EPM2A: variants seen among roughly 807,000 people sequenced by gnomAD.
The protein encoded by EPM2A is EPM2A glucan phosphatase, laforin.
In EPM2A, 21 loss-of-function variants were observed where a neutral mutation model predicts 26.5. The ratio of observed to expected loss-of-function variants is 0.79; its 90% CI spans 0.56 to 1.14. EPM2A has a LOEUF of 1.14. Ranked by LOEUF, EPM2A falls within the 50% of genes most tolerant of loss-of-function variation. EPM2A has a pLI of 0.00. For missense variants in EPM2A, 458 were observed against 440.8 expected, an observed-to-expected ratio of 1.04 and a Z score of -0.35; for synonymous variants, 217 against 177.6, an observed-to-expected ratio of 1.22 and a Z score of -1.76.
In EPM2A at chr6:145,625,849, C is replaced by A; in HGVS notation, c.*1567G>T. 6.5e-7 allele frequency: 1 copy of A among 1,540,712 alleles called. No individual in the cohort carries two copies. The highest frequency in any genetic ancestry group is 8.8e-7 in the Non-Finnish European group (1 of 1,142,022). The stretch of plus-strand genomic sequence containing the variant: ...ACGCCTTCTAAATAAGAGTCTCTTG[C>A]ATCTATCAATATGTGTTTGTGGAAG... On this transcript the variant is annotated 3_prime_UTR_variant, in exon 4 of 4. Transcript: ENST00000367519.
chr6:145,654,802 C>A (rs1778143970), intron 2 of EPM2A, among the ~76,000 whole-genome samples: 2 of 152,074 alleles, frequency 1.3e-5, no homozygotes, highest in African/African-American at 4.8e-5. Context: ...TAGTTTGAGT[C>A]CTGTATTTCA....
chr6:145,502,575 T>C (rs1779906779), exon 3 of EPM2A: 1 of 470,764 alleles, frequency 2.1e-6, no homozygotes. Flanking sequence ...CCTCTTCTCA[T>C]CTGGAAAAAG....
intron 2 of EPM2A, among the ~76,000 whole-genome samples, chr6:145,558,249 A>G (rs1427233166): frequency 1.3e-5 from 2 of 152,068 alleles, no homozygotes; most frequent in Non-Finnish European, 2.9e-5. Flanking sequence ...GTTTGGGGGC[A>G]TGATCGTGAG....
rs78074818 is a variant in EPM2A, at chr6:145,517,240, C to T, written c.341-14665G>A. Among the ~76,000 whole-genome samples the T allele has an allele frequency of 2.8e-4, 42 of 152,196 alleles. No individual in the cohort carries two copies. In the East Asian group the frequency reaches 7.9e-3, roughly 29 times the overall value. Reference sequence around the variant, plus strand: ...CAACATGTATGAAGTTTTATTTTTGCAAGATGATTAAGTTCTAGAGATCTG... The same window carrying T: ...CAACATGTATGAAGTTTTATTTTTGTAAGATGATTAAGTTCTAGAGATCTG... On this transcript the variant is annotated intron_variant, in intron 2 of 3. Coordinates refer to the EPM2A transcript ENST00000450221.
At chr6:145,539,608 A>C (rs999774326) in intron 2 of EPM2A, among the ~76,000 whole-genome samples, 16 of 152,210 alleles carry the variant, frequency 1.1e-4, no homozygotes, top group African/African-American at 3.9e-4. Flanking sequence ...TCAAGCCTAA[A>C]CTACCAAAAC....
chr6:145,627,443 C>T lies in EPM2A; in HGVS notation c.969G>A (p.Lys323=). Residue 323 remains lysine, a synonymous_variant, in exon 4 of 4, where the codon AAG becomes AAA. Transcript: ENST00000367519. ...ACAGGCTACACACAGAAGAACGAAC[C>T]TTCCCAAATTTCTGGAAAAAATCTT... is the stretch of plus-strand genomic sequence containing the variant. ...AQEDFFQKFG[K]VRSSVCSL 6.2e-7 allele frequency: 1 copy of T among 1,614,236 alleles called. No individual in the cohort carries two copies. Among genetic ancestry groups the T allele is most frequent in the Non-Finnish European group, 8.5e-7 (1 of 1,180,044 alleles).
intron 2 of EPM2A, among the ~76,000 whole-genome samples, chr6:145,614,882 G>C (rs78006376): frequency 1.6e-4 from 24 of 152,278 alleles, no homozygotes; most frequent in African/African-American, 5.8e-4. Context: ...AGTACATGCT[G>C]TTAGAAAAAT....
At chr6:145,399,682 A>AT (rs35181024) in intron 4 of EPM2A, among the ~76,000 whole-genome samples, 16,596 of 152,180 alleles carry the variant, frequency 0.11, 952 homozygotes, top group South Asian at 0.17. Context: ...GCTACATTAG[A>AT]TTTTCTCTTA....
intron 1 of EPM2A, among the ~76,000 whole-genome samples, chr6:145,688,112 A>C (rs1781050981): frequency 6.6e-6 from 1 of 152,206 alleles, no homozygotes; most frequent in African/African-American, 2.4e-5. Flanking sequence ...TTAAGAACTC[A>C]GATATTTATC....
chr6:145,582,299 G>C (rs898619080), intron 2 of EPM2A, among the ~76,000 whole-genome samples: 1 of 152,130 alleles, frequency 6.6e-6, no homozygotes, highest in African/African-American at 2.4e-5. Flanking sequence ...CATGGTACAA[G>C]AGTGTGGTTG....
chr6:145,445,973 TG>T (rs557218664), intron 4 of EPM2A, among the ~76,000 whole-genome samples: 258 of 152,284 alleles, frequency 1.7e-3, no homozygotes, highest in Non-Finnish European at 3.2e-3. Context: ...ATGACTATAA[TG>T]GGGCAAACCA....
chr6:145,589,040 C>T (rs572808426), intron 2 of EPM2A, among the ~76,000 whole-genome samples: 1 of 152,128 alleles, frequency 6.6e-6, no homozygotes, highest in Non-Finnish European at 1.5e-5. Flanking sequence ...AGGAAAAGGC[C>T]CTGCCCCAAC....
chr6:145,551,931 T>C (rs1392229695), intron 2 of EPM2A, among the ~76,000 whole-genome samples: 2 of 151,406 alleles, frequency 1.3e-5, no homozygotes, highest in Admixed American at 6.6e-5. Flanking sequence ...ATTTCTAGAT[T>C]CGATATAGAA....
intron 1 of EPM2A, among the ~76,000 whole-genome samples, chr6:145,694,071 T>C (rs1210621024): frequency 6.6e-6 from 1 of 152,062 alleles, no homozygotes; most frequent in East Asian, 1.9e-4. Flanking sequence ...TTATATTGGT[T>C]AAATATCTAT....
intron 2 of EPM2A, among the ~76,000 whole-genome samples, chr6:145,505,089 C>T (rs1456074304): frequency 9.0e-6 from 1 of 110,666 alleles, no homozygotes. Context: ...ACTCTGGGGA[C>T]TGTGGTGGGG....
intron 4 of EPM2A, among the ~76,000 whole-genome samples, chr6:145,398,502 G>T (rs373705096): frequency 1.3e-5 from 2 of 151,872 alleles, no homozygotes; most frequent in African/African-American, 4.8e-5. Context: ...AAGTGTTGCC[G>T]CTGGAGACAA....
chr6:145,390,342 C>T (rs765033142), intron 4 of EPM2A, among the ~76,000 whole-genome samples: 1 of 151,698 alleles, frequency 6.6e-6, no homozygotes, highest in Non-Finnish European at 1.5e-5. Flanking sequence ...AAAAAAAACA[C>T]CTTCACAGAA....
At chr6:145,395,797 T>G (rs1233532980) in intron 4 of EPM2A, among the ~76,000 whole-genome samples, 1 of 152,152 alleles carries the variant, frequency 6.6e-6, no homozygotes, top group African/African-American at 2.4e-5. Context: ...AATCTGAATT[T>G]TATCTGGTAC....
intron 4 of EPM2A, among the ~76,000 whole-genome samples, chr6:145,414,734 T>C (rs1018723898): frequency 2.0e-5 from 3 of 152,102 alleles, no homozygotes; most frequent in Non-Finnish European, 4.4e-5. Context: ...TAGCAAATTC[T>C]CCTGGACAGC....
Sources: gnomAD v4.1 joint callset for allele counts (sites outside exome capture counted in the v4.1 genomes callset) on GRCh38, gnomAD v4.1.1 for gene constraint, MANE v1.5 for transcripts, NCBI Gene and HGNC (gene_info 2026-07-23, HGNC 2026-07-21) for gene names.